Variants in ZSWIM6 observed in about 807,000 individuals in gnomAD.
ZSWIM6 encodes zinc finger SWIM domain-containing protein 6.
ZSWIM6 carries 9 observed loss-of-function variants against 113.2 expected under a neutral mutation model. The observed-to-expected ratio is 0.08, with a 90% CI of 0.05 to 0.14. The LOEUF (loss-of-function observed/expected upper bound fraction) is 0.14. Ranked by LOEUF, ZSWIM6 falls within the 10% of genes least tolerant of loss-of-function variation. ZSWIM6 has a pLI of 1.00. For synonymous variants in ZSWIM6, 611 were observed against 606.5 expected (o/e 1.01, Z -0.11); for missense variants, 1,162 against 1,552.2 (o/e 0.75, Z 4.22).
intron 2 of ZSWIM6, among the ~76,000 whole-genome samples, chr5:61,478,551 T>C (rs1027531547): frequency 2.0e-5 from 3 of 152,206 alleles, no homozygotes; most frequent in Non-Finnish European, 4.4e-5. Flanking sequence ...AGTACTGTTA[T>C]TATATAGTTG....
At chr5:61,494,122 C>CACA in intron 3 of ZSWIM6, 138 bp from the exon 4 acceptor site, 2 of 717,946 alleles carry the variant, frequency 2.8e-6, no homozygotes, top group South Asian at 4.5e-5. Context: ...CTATCCTCCA[C>CACA]CACACACACA....
intron 1 of ZSWIM6, among the ~76,000 whole-genome samples, chr5:61,362,922 A>G (rs1007203220): frequency 9.9e-5 from 15 of 152,228 alleles, no homozygotes; most frequent in Non-Finnish European, 1.8e-4. Context: ...TTTTCACAAG[A>G]CAAGACTTAT....
At chr5:61,333,789 C>T (rs1351681846) in intron 1 of ZSWIM6, among the ~76,000 whole-genome samples, 3 of 152,066 alleles carry the variant, frequency 2.0e-5, no homozygotes, top group Non-Finnish European at 4.4e-5. Context: ...CTGTGCGGGC[C>T]GCGGCGCAGC....
chr5:61,434,651 A>G (rs79735499), intron 1 of ZSWIM6, among the ~76,000 whole-genome samples: 3 of 152,112 alleles, frequency 2.0e-5, no homozygotes, highest in Non-Finnish European at 4.4e-5. Context: ...GTAGTATTCC[A>G]TGGTGTCTAT....
At chr5:61,384,783 C>T (rs566933822) in intron 1 of ZSWIM6, among the ~76,000 whole-genome samples, 2 of 152,172 alleles carry the variant, frequency 1.3e-5, no homozygotes, top group East Asian at 1.9e-4. Flanking sequence ...GGAGGCCGGG[C>T]GCGGTGGGTC....
At chr5:61,355,982 T>G (rs1241227484) in intron 1 of ZSWIM6, among the ~76,000 whole-genome samples, 3 of 152,248 alleles carry the variant, frequency 2.0e-5, no homozygotes, top group Non-Finnish European at 2.9e-5. Context: ...TTCTTTCTGT[T>G]TATGTATACA....
chr5:61,534,540 A>G (rs1002194105), intron 9 of ZSWIM6, among the ~76,000 whole-genome samples: 7 of 152,178 alleles, frequency 4.6e-5, no homozygotes, highest in Non-Finnish European at 7.4e-5. Context: ...CATGGTTCAT[A>G]ATTCTAGAAA....
chr5:61,512,052 A>G (rs1748803896), intron 4 of ZSWIM6, among the ~76,000 whole-genome samples: 1 of 152,126 alleles, frequency 6.6e-6, no homozygotes, highest in South Asian at 2.1e-4. Context: ...TTGAGTTTGG[A>G]CAAATGTATA....
At chr5:61,447,533 G>A (rs1053336546) in intron 1 of ZSWIM6, among the ~76,000 whole-genome samples, 1 of 152,150 alleles carries the variant, frequency 6.6e-6, no homozygotes, top group African/African-American at 2.4e-5. Context: ...ATAGATGTCA[G>A]ATTTCAAAGG....
At chr5:61,502,001 C>T (rs1748481153) in intron 4 of ZSWIM6, among the ~76,000 whole-genome samples, 1 of 152,162 alleles carries the variant, frequency 6.6e-6, no homozygotes, top group African/African-American at 2.4e-5. Context: ...AGTCTCCTTA[C>T]TAGGCTGTGG....
At chr5:61,540,104 T>C (rs888067766) in intron 12 of ZSWIM6, among the ~76,000 whole-genome samples, 3 of 152,256 alleles carry the variant, frequency 2.0e-5, no homozygotes, top group Non-Finnish European at 2.9e-5. Context: ...GCATGTATAA[T>C]GAAGATTCAG....
chr5:61,424,672 T>G (rs1746427223), intron 1 of ZSWIM6, among the ~76,000 whole-genome samples: 1 of 152,218 alleles, frequency 6.6e-6, no homozygotes, highest in South Asian at 2.1e-4. Context: ...TGAGGAGCTA[T>G]TATAATATGT....
At chr5:61,392,299 T>C (rs917362726) in intron 1 of ZSWIM6, among the ~76,000 whole-genome samples, 10 of 152,212 alleles carry the variant, frequency 6.6e-5, no homozygotes, top group African/African-American at 2.4e-4. Flanking sequence ...CTATATACCT[T>C]TTTCTCCTGT....
chr5:61,514,663 G>T (rs1000949870), intron 4 of ZSWIM6, among the ~76,000 whole-genome samples: 1 of 152,010 alleles, frequency 6.6e-6, no homozygotes, highest in Non-Finnish European at 1.5e-5. Context: ...TCTAAATATG[G>T]TGAATTATAC....
rs138963160 is a variant in ZSWIM6 at position 61,372,443 on chromosome 5, C to T, written c.676+39495C>T. ...TAAATTCAGTGGGCTCTTCATTCTT[C>T]ATCTTATTTGACAACTCAGTAGCAC... On this transcript the variant is annotated intron_variant, in intron 1 of 13. Coordinates refer to ENST00000252744, the MANE Select transcript of ZSWIM6 (RefSeq NM_020928.2). Among the ~76,000 whole-genome samples, 164 of 152,256 alleles carry T rather than the reference C, an allele frequency of 1.1e-3. 1 individual carries two copies. The highest frequency in any genetic ancestry group is 3.7e-3 in the African/African-American group (154 of 41,538).
intron 1 of ZSWIM6, among the ~76,000 whole-genome samples, chr5:61,395,958 T>G (rs1009611193): frequency 2.0e-5 from 3 of 152,294 alleles, no homozygotes; most frequent in Non-Finnish European, 2.9e-5. Context: ...AAATCATTTA[T>G]TAGATCAGTA....
rs561705304 is a variant in ZSWIM6 at position 61,502,198 on chromosome 5, A to G, written c.1333+7788A>G. 3.4e-4 allele frequency among the ~76,000 whole-genome samples: 52 copies of G among 152,314 alleles called. 2 individuals carry two copies. In the South Asian group the frequency reaches 4.4e-3, roughly 13 times the overall value. On this transcript the variant is annotated intron_variant, in intron 4 of 13. Coordinates refer to ENST00000252744, the MANE Select transcript of ZSWIM6 (RefSeq NM_020928.2). ...ATTCCCAGGGGCTTCACAGAGAATC[A>G]GGGATGCCAGGAGCAGGAAGGAAAG...
In ZSWIM6 at chr5:61,494,148, A is replaced by ACG. The variant is rs1282747080; in HGVS notation, c.1183-112_1183-111insCG. On this transcript the variant is annotated intron_variant, in intron 3 of 13. Coordinates refer to ENST00000252744, the MANE Select transcript of ZSWIM6 (RefSeq NM_020928.2). ...CACACACACACACACACACACACGGAGAGAGAGAGAGAGAAACAGAGAAAA... is the reference window on the plus strand; with the variant it reads ...CACACACACACACACACACACACGGACGGAGAGAGAGAGAGAAACAGAGAAAA... 196,424 of 667,250 alleles carry ACG rather than the reference A, an allele frequency of 0.29. 12,616 individuals carry two copies. Among genetic ancestry groups the ACG allele is most frequent in the African/African-American group, 0.37 (19,372 of 52,910 alleles). The allele number at this position is 667,250 out of a possible 1,614,324, so 41.3% of individuals were successfully genotyped here.
At chr5:61,359,647 T>C (rs371375346) in intron 1 of ZSWIM6, among the ~76,000 whole-genome samples, 1 of 152,142 alleles carries the variant, frequency 6.6e-6, no homozygotes, top group African/African-American at 2.4e-5. Flanking sequence ...CAGAATTAGA[T>C]TCTGTTTGGG....
Sources: allele counts gnomAD v4.1 joint callset (sites outside exome capture counted in the v4.1 genomes callset), GRCh38; gene constraint gnomAD v4.1.1; transcripts MANE v1.5; gene names NCBI Gene and HGNC (gene_info 2026-07-23, HGNC 2026-07-21).